The following ALDH1A2 variants were observed in gnomAD, a reference collection of about 807,000 sequenced individuals.
ALDH1A2 encodes aldehyde dehydrogenase 1 family member A2, also known as retinal dehydrogenase 2.
In ALDH1A2, 27 loss-of-function variants were observed where a neutral mutation model predicts 60.3. The observed-to-expected ratio is 0.45, with a 90% CI of 0.33 to 0.62. The LOEUF is 0.62. Ranked by LOEUF, ALDH1A2 falls within the 20% of genes least tolerant of loss-of-function variation. The pLI is 0.02. For synonymous variants in ALDH1A2, 289 were observed against 232.4 expected (o/e 1.24, Z -2.21); for missense variants, 581 against 643.8 (o/e 0.90, Z 1.06).
intron 7 of ALDH1A2, among the ~76,000 whole-genome samples, chr15:57,981,139 CTTGT>C (rs1271463743): frequency 1.3e-5 from 2 of 151,994 alleles, no homozygotes; most frequent in Admixed American, 1.3e-4. Context: ...AGTGGTCTAT[CTTGT>C]TTATCTTTTC....
rs1323369120 is a variant in ALDH1A2, at chr15:57,995,125, T to C, written c.508A>G (p.Thr170Ala). ...MTIPVDGDYF[T>A]FTRHEPIGVC... ...CCAATGGGTTCATGTCTTGTAAAGG[T>C]AAAATAGTCTCCATCTGAAAGAAAA... Residue 170 changes from threonine to alanine, a missense_variant, in exon 5 of 13, where the codon ACC becomes GCC. Transcript: ENST00000249750. 1 of 1,589,868 alleles carries C rather than the reference T, an allele frequency of 6.3e-7. No individual in the cohort carries two copies. The highest frequency in any genetic ancestry group is 1.4e-5 in the African/African-American group (1 of 68,978).
In ALDH1A2 at chr15:58,000,292, TGACA is replaced by T. The variant is rs1895220373; in HGVS notation, c.494-5157_494-5154del. ...CACCCCTAGTCTGATCTGGGGTGCC[TGACA>T]AACACAAGAGCTAAGCCTTCTGTGG... On this transcript the variant is annotated intron_variant, in intron 4 of 12. Coordinates refer to ENST00000249750, the MANE Select transcript of ALDH1A2 (RefSeq NM_003888.4). 3.9e-5 allele frequency among the ~76,000 whole-genome samples: 6 copies of T among 152,026 alleles called. No homozygotes were observed. In the South Asian group the frequency reaches 1.2e-3, roughly 32 times the overall value.
chr15:58,063,714 G>A (rs1484995229), intron 1 of ALDH1A2, among the ~76,000 whole-genome samples: 1 of 152,164 alleles, frequency 6.6e-6, no homozygotes, highest in Non-Finnish European at 1.5e-5. Flanking sequence ...CAGTGTTTAT[G>A]AGGGTTGTTT....
intron 7 of ALDH1A2, among the ~76,000 whole-genome samples, chr15:57,968,759 C>G (rs1893972794): frequency 6.6e-6 from 1 of 152,174 alleles, no homozygotes; most frequent in Non-Finnish European, 1.5e-5. Context: ...GCCCAGCTGG[C>G]ATTACATTTC....
chr15:58,013,699 C>A (rs1895702157), intron 3 of ALDH1A2, among the ~76,000 whole-genome samples, 159 bp downstream of exon 3: 1 of 152,138 alleles, frequency 6.6e-6, no homozygotes, highest in Non-Finnish European at 1.5e-5. Context: ...TTGCAGTGAG[C>A]TGAAATCGTG....
chr15:57,983,020 C>T (rs1283912855), intron 7 of ALDH1A2, among the ~76,000 whole-genome samples: 1 of 152,100 alleles, frequency 6.6e-6, no homozygotes, highest in Non-Finnish European at 1.5e-5. Context: ...TTTTTATTTT[C>T]CCATCTCTAT....
intron 1 of ALDH1A2, among the ~76,000 whole-genome samples, chr15:58,040,022 T>C (rs1566957788): frequency 6.6e-6 from 1 of 152,034 alleles, no homozygotes; most frequent in East Asian, 1.9e-4. Context: ...ACGGTTCTAA[T>C]AATAAAATTT....
At chr15:58,014,875 G>A (rs1895744420) in intron 1 of ALDH1A2, among the ~76,000 whole-genome samples, 1 of 152,122 alleles carries the variant, frequency 6.6e-6, no homozygotes, top group Admixed American at 6.5e-5. Flanking sequence ...AGATGGGGAT[G>A]GGGAGTTAGC....
chr15:58,052,199 T>C (rs544777753), intron 1 of ALDH1A2, among the ~76,000 whole-genome samples: 10 of 152,242 alleles, frequency 6.6e-5, no homozygotes, highest in South Asian at 6.2e-4. Context: ...GTTGAGACAG[T>C]ATTTTCAACA....
chr15:58,065,173 G>A, intron 1 of ALDH1A2: 1 of 301,558 alleles, frequency 3.3e-6, no homozygotes, highest in Non-Finnish European at 6.4e-6. Context: ...CAAGCTGACG[G>A]GGAACCCCGG....
chr15:57,966,924 T>C (rs990272634), intron 7 of ALDH1A2, among the ~76,000 whole-genome samples: 6 of 152,216 alleles, frequency 3.9e-5, no homozygotes, highest in Non-Finnish European at 8.8e-5. Flanking sequence ...TATCACTTTA[T>C]GGAAAATGCA....
intron 1 of ALDH1A2, among the ~76,000 whole-genome samples, chr15:58,016,366 A>G (rs193160946): frequency 1.6e-3 from 248 of 151,968 alleles, no homozygotes; most frequent in Admixed American, 0.011. Flanking sequence ...CTGGTCATGA[A>G]CCCCTGACCT....
chr15:58,044,501 G>C (rs1896593544), intron 1 of ALDH1A2, among the ~76,000 whole-genome samples: 1 of 151,946 alleles, frequency 6.6e-6, no homozygotes, highest in African/African-American at 2.4e-5. Flanking sequence ...ATCAACACAG[G>C]TGCCAGTAAA....
intron 1 of ALDH1A2, among the ~76,000 whole-genome samples, chr15:58,018,324 G>T (rs1895838155): frequency 6.6e-6 from 1 of 152,092 alleles, no homozygotes; most frequent in South Asian, 2.1e-4. Flanking sequence ...AGTTCATAAT[G>T]ATATACATTT....
rs1036221849 is a variant in ALDH1A2, at chr15:57,976,568, T to C, written c.799-10741A>G. Among the ~76,000 whole-genome samples, 15 of 152,332 alleles carry C rather than the reference T, an allele frequency of 9.8e-5. No homozygotes were observed. The South Asian group carries it at 2.3e-3, about 23-fold the overall frequency. ...CTGAGAATGATGGTTTCCAGCTTCA[T>C]CCAGGTCCCTGTAAAGGACATGAAC... On this transcript the variant is annotated intron_variant, in intron 7 of 12. Coordinates refer to ENST00000249750, the MANE Select transcript of ALDH1A2 (RefSeq NM_003888.4).
At chr15:58,046,278 G>A (rs533961277) in intron 1 of ALDH1A2, among the ~76,000 whole-genome samples, 6 of 152,112 alleles carry the variant, frequency 3.9e-5, no homozygotes, top group South Asian at 4.1e-4. Flanking sequence ...AAGTGACTAC[G>A]CTGGTTTATA....
chr15:57,999,440 G>T (rs1342975249), intron 4 of ALDH1A2, among the ~76,000 whole-genome samples: 5 of 151,954 alleles, frequency 3.3e-5, no homozygotes, highest in Non-Finnish European at 5.9e-5. Context: ...ATGAAAAAAA[G>T]CTCATCATCA....
Position 57,962,182 on chromosome 15 carries a change from G to A in ALDH1A2, c.1087-6C>T. On this transcript the variant is annotated splice_polypyrimidine_tract_variant and splice_region_variant and intron_variant, in intron 9 of 12. Transcript: ENST00000249750. Reference sequence around the variant, plus strand: ...TTGTACTGTTTCTTATCAATCTGTGGGAGACAAGACTTAATGACTCCAAAT... The same window carrying A: ...TTGTACTGTTTCTTATCAATCTGTGAGAGACAAGACTTAATGACTCCAAAT... 1 of 1,613,862 alleles carries A rather than the reference G, an allele frequency of 6.2e-7. No homozygotes were observed. Among genetic ancestry groups the A allele is most frequent in the Non-Finnish European group, 8.5e-7 (1 of 1,179,870 alleles).
Position 57,962,037 on chromosome 15 carries a change from T to G in ALDH1A2, c.1226A>C (p.Asp409Ala). ...CTCCTCCTTGGCAATCCGCATATCA[T>G]CAGTGACGTTGGAAAACACTGTGGG... ...IEPTVFSNVT[D>A]DMRIAKEEIF... Residue 409 changes from aspartate (D) to alanine (A), a missense_variant, in exon 10 of 13, where the codon GAT becomes GCT. By Grantham distance (126) the Asp-to-Ala change is moderately radical. Around this residue, in one of 2 missense-constraint regions of ALDH1A2, gnomAD observed 375 missense variants for 469.7 expected, o/e 0.80. Transcript: ENST00000249750. 1 of 1,614,148 alleles carries G rather than the reference T, an allele frequency of 6.2e-7. No homozygotes were observed. Among genetic ancestry groups the G allele is most frequent in the South Asian group, 1.1e-5 (1 of 91,086 alleles).
Sources: allele counts gnomAD v4.1 joint callset (sites outside exome capture counted in the v4.1 genomes callset), GRCh38; gene constraint gnomAD v4.1.1; regional missense constraint gnomAD v4.1.1; transcripts MANE v1.5; gene names NCBI Gene and HGNC (gene_info 2026-07-23, HGNC 2026-07-21).